ATF6B: variants seen among roughly 807,000 people sequenced by gnomAD.
ATF6B encodes activating transcription factor 6 beta.
In ATF6B, 50 loss-of-function variants were observed where a neutral mutation model predicts 83.5. That is an observed-to-expected ratio of 0.60 (90% CI 0.48 to 0.76). ATF6B has a LOEUF of 0.76. ATF6B is among the 30% of genes least tolerant of loss of function. The probability of loss-of-function intolerance (pLI) is 0.00; values close to 1 mark genes in which losing one functional copy is unlikely to be tolerated. For missense variants in ATF6B, 790 were observed against 893.8 expected (o/e 0.88, Z 1.48); for synonymous variants, 344 against 362.8 (o/e 0.95, Z 0.59).
intron 5 of ATF6B, among the ~76,000 whole-genome samples, chr6:32,124,822 T>G (rs1781902126): frequency 6.6e-6 from 1 of 152,052 alleles, no homozygotes; most frequent in Admixed American, 6.5e-5. Context: ...ATGTCCCCTC[T>G]TATGAGCTTT....
At chr6:32,120,009 T>C in intron 8 of ATF6B, 52 bp from the exon 9 acceptor site, 1 of 1,570,288 alleles carries the variant, frequency 6.4e-7, no homozygotes, top group South Asian at 1.2e-5. Flanking sequence ...GGGGTCCTTG[T>C]GTCCACACCC....
At chr6:32,123,908 A>G (rs1781863630) in intron 5 of ATF6B, among the ~76,000 whole-genome samples, 1 of 152,084 alleles carries the variant, frequency 6.6e-6, no homozygotes, top group Non-Finnish European at 1.5e-5. Context: ...CTTTGAAATC[A>G]ACAATCAACA....
intron 4 of ATF6B, 140 bp downstream of exon 4, chr6:32,126,963 G>A (rs1005929671): frequency 1.2e-5 from 7 of 577,172 alleles, no homozygotes; most frequent in Non-Finnish European, 1.9e-5. Flanking sequence ...GGCAAAGGTA[G>A]TGGAGAAGGC....
Position 32,119,893 on chromosome 6 carries a change from T to C in ATF6B, c.897A>G (p.Leu299=). The C allele has an allele frequency of 6.2e-7, 1 of 1,614,042 alleles. No individual in the cohort carries two copies. Among genetic ancestry groups the C allele is most frequent in the Non-Finnish European group, 8.5e-7 (1 of 1,180,004 alleles). The change falls in exon 9 of 18, where the codon CTA becomes CTG. Residue 299 remains leucine (L), a synonymous_variant. Coordinates refer to ENST00000375203, the MANE Select transcript of ATF6B (RefSeq NM_004381.5). This position sits in a 1 kb window ranked among gnomAD's most constrained non-coding sequence, Gnocchi z 4.9. ...CGATGCTCTTCCTCTCAGGCCGTGG[T>C]AGAGAGGGAGCCGGCCCTTCAGGCT... is the stretch of plus-strand genomic sequence containing the variant. The part of the protein sequence containing the change: ...RVQPEGPAPS[L]PRPERKSIVP...
Position 32,116,710 on chromosome 6 carries a change from G to T in ATF6B, c.1791C>A (p.Phe597Leu). 1 of 1,614,066 alleles carries T rather than the reference G, an allele frequency of 6.2e-7. No individual in the cohort carries two copies. The highest frequency in any genetic ancestry group is 8.5e-7 in the Non-Finnish European group (1 of 1,179,934). Reference protein sequence around the residue: ...RREDTFYVVSFRRDHLLLPAI... With the variant: ...RREDTFYVVSLRRDHLLLPAI... Reference sequence around the variant, plus strand: ...AAGGGCAGGAGAAACTCACCCTTCGGAAAGAGACAACATAAAATGTGTCTT... The same window carrying T: ...AAGGGCAGGAGAAACTCACCCTTCGTAAAGAGACAACATAAAATGTGTCTT... Residue 597 changes from phenylalanine (F) to leucine (L), a missense_variant, in exon 16 of 18, where the codon TTC becomes TTA. By Grantham distance (22) the Phe-to-Leu change is conservative. Coordinates refer to ENST00000375203, the MANE Select transcript of ATF6B (RefSeq NM_004381.5). This position sits in a 1 kb window ranked among gnomAD's most constrained non-coding sequence, Gnocchi z 5.1.
In ATF6B at chr6:32,117,154, G is replaced by A; in HGVS notation, c.1615-47C>T. ...GACTTGGAGAGGGTGAAGGGAAAAG[G>A]GAAAGAGACAAACAGCCCCTGGAAG... On this transcript the variant is annotated intron_variant, in intron 14 of 17. Coordinates refer to ENST00000375203, the MANE Select transcript of ATF6B (RefSeq NM_004381.5). This position sits in a 1 kb window ranked among gnomAD's most constrained non-coding sequence, Gnocchi z 5.0. The A allele has an allele frequency of 6.3e-7, 1 of 1,599,570 alleles. No individual in the cohort carries two copies. Among genetic ancestry groups the A allele is most frequent in the Non-Finnish European group, 8.6e-7 (1 of 1,167,598 alleles).
rs1385358882 is a variant in ATF6B, at chr6:32,121,054, TC to T, written c.634del (p.Asp212MetfsTer38). ...SLSPSGCLLW[D>X]VPAPSLGAVQ... ...AGCTCCAAGTGAGGGGGCTGGGACATCCCACAGGAGGCATCCTGAAGGGGAC... is the reference window on the plus strand; with the variant it reads ...AGCTCCAAGTGAGGGGGCTGGGACATCCACAGGAGGCATCCTGAAGGGGAC... On this transcript the variant is annotated frameshift_variant, in exon 7 of 18. Transcript: ENST00000375203. LOFTEE classifies it high-confidence loss of function. The T allele has an allele frequency of 1.3e-6, 2 of 1,558,054 alleles. No homozygotes were observed. Among genetic ancestry groups the T allele is most frequent in the Non-Finnish European group, 1.7e-6 (2 of 1,155,380 alleles).
intron 5 of ATF6B, 125 bp from the exon 6 acceptor site, chr6:32,121,473 C>A (rs566596980): frequency 2.3e-6 from 2 of 865,928 alleles, no homozygotes; most frequent in East Asian, 2.7e-5. Flanking sequence ...GAGGCCAAGG[C>A]GGGCAGATCA....
intron 5 of ATF6B, among the ~76,000 whole-genome samples, 186 bp from the exon 6 acceptor site, chr6:32,121,534 C>T (rs1182323658): frequency 6.6e-6 from 1 of 152,066 alleles, no homozygotes. Context: ...GAAACCCCGT[C>T]TCTACTAAAA....
intron 8 of ATF6B, 134 bp downstream of exon 8, chr6:32,120,637 G>A: frequency 8.8e-7 from 1 of 1,130,390 alleles, no homozygotes; most frequent in Non-Finnish European, 1.2e-6. Context: ...TTTTAGTAGA[G>A]ACAAGGTTTC....
Position 32,115,773 on chromosome 6 carries a change from G to A in ATF6B, c.2078C>T (p.Ala693Val). The change falls in exon 18 of 18, where the codon GCC (alanine) becomes GTC (valine). Residue 693 changes from alanine to valine, a missense_variant. Transcript: ENST00000375203. ...PVSAASQAHQ[A>V]SHQPLYLNHP ...ATTGAGGTAGAGGGGCTGGTGGGAGGCCTGGTGGGCCTGGCTGGCTGCAGA... is the reference window on the plus strand; with the variant it reads ...ATTGAGGTAGAGGGGCTGGTGGGAGACCTGGTGGGCCTGGCTGGCTGCAGA... The A allele has an allele frequency of 6.2e-7, 1 of 1,610,508 alleles. No homozygotes were observed. Among genetic ancestry groups the A allele is most frequent in the Non-Finnish European group, 8.5e-7 (1 of 1,178,098 alleles).
At chr6:32,124,843 T>G (rs1781903611) in intron 5 of ATF6B, among the ~76,000 whole-genome samples, 1 of 151,222 alleles carries the variant, frequency 6.6e-6, no homozygotes, top group African/African-American at 2.4e-5. Flanking sequence ...CATGGTACCC[T>G]CTAGTGATTT....
At position 32,119,920 on chromosome 6, in the gene ATF6B, G is replaced by C. The variant is rs761688004; in HGVS notation, c.870C>G (p.Val290=). 1.2e-6 allele frequency: 2 copies of C among 1,614,138 alleles called. No individual in the cohort carries two copies. The highest frequency in any genetic ancestry group is 8.5e-7 in the Non-Finnish European group (1 of 1,180,028). Reference sequence around the variant, plus strand: ...GAGAGGGAGCCGGCCCTTCAGGCTGGACTCGAATAGCACCCTGGATGAGGA... The same window carrying C: ...GAGAGGGAGCCGGCCCTTCAGGCTGCACTCGAATAGCACCCTGGATGAGGA... ...PVVLIQGAIR[V]QPEGPAPSLP... The change falls in exon 9 of 18, where the codon GTC becomes GTG. Residue 290 remains valine, a synonymous_variant. Transcript: ENST00000375203. The surrounding 1 kb of genome is among the most constrained non-coding windows in gnomAD (Gnocchi z 4.9).
In ATF6B at chr6:32,128,182, T is replaced by G; in HGVS notation, c.26A>C (p.Glu9Ala). The change falls in exon 1 of 18, where the codon GAG becomes GCG. Residue 9 changes from glutamate to alanine, a missense_variant. By Grantham distance (107) the Glu-to-Ala change is moderately radical. Transcript: ENST00000375203. The stretch of plus-strand genomic sequence containing the variant: ...GAAGAAACGCGTCGGGTCAGCAATC[T>G]CGCTGAGCAGCATCAGCTCCGCCAT... MAELMLLSEIADPTRFFTD... is the reference protein window; with the variant it reads MAELMLLSAIADPTRFFTD... 6.2e-7 allele frequency: 1 copy of G among 1,612,434 alleles called. No homozygotes were observed. Among genetic ancestry groups the G allele is most frequent in the Non-Finnish European group, 8.5e-7 (1 of 1,179,776 alleles).
rs1442446948 is a variant in ATF6B at position 32,118,629 on chromosome 6, G to A, written c.1244+146C>T. ...AAAGACAAATAATGGAGCAGGAAGG[G>A]GCTGGCCAGACACATCATCGGTGCC... On this transcript the variant is annotated intron_variant, in intron 11 of 17. Transcript: ENST00000375203. This position sits in a 1 kb window ranked among gnomAD's most constrained non-coding sequence, Gnocchi z 5.2. 1 of 761,790 alleles carries A rather than the reference G, an allele frequency of 1.3e-6. No individual in the cohort carries two copies. Among genetic ancestry groups the A allele is most frequent in the Non-Finnish European group, 2.2e-6 (1 of 463,928 alleles). 47.2% of individuals were successfully genotyped at this position (761,790 alleles called of 1,614,324 possible).
At chr6:32,124,850 A>ATT (rs758712011) in intron 5 of ATF6B, among the ~76,000 whole-genome samples, 5 of 143,332 alleles carry the variant, frequency 3.5e-5, no homozygotes, top group African/African-American at 1.0e-4. Context: ...CCCTCTAGTG[A>ATT]TTTTTTTTTT....
At chr6:32,123,160 G>A (rs962462640) in intron 5 of ATF6B, among the ~76,000 whole-genome samples, 1 of 145,726 alleles carries the variant, frequency 6.9e-6, no homozygotes, top group Non-Finnish European at 1.5e-5. Context: ...CCCAGGAAAC[G>A]GAGGTTGCAG....
In ATF6B at chr6:32,117,491, G is replaced by C; in HGVS notation, c.1533-87C>G. Reference sequence around the variant, plus strand: ...ACCCACAGGAGTGAGGAGAGGGCAGGGAGCACTGGCGCTTTAGTACACAGG... The same window carrying C: ...ACCCACAGGAGTGAGGAGAGGGCAGCGAGCACTGGCGCTTTAGTACACAGG... On this transcript the variant is annotated intron_variant, in intron 13 of 17. Coordinates refer to ENST00000375203, the MANE Select transcript of ATF6B (RefSeq NM_004381.5). The surrounding 1 kb of genome is among the most constrained non-coding windows in gnomAD (Gnocchi z 5.0). 1 of 1,594,534 alleles carries C rather than the reference G, an allele frequency of 6.3e-7. No homozygotes were observed. Among genetic ancestry groups the C allele is most frequent in the Non-Finnish European group, 8.6e-7 (1 of 1,166,626 alleles).
At chr6:32,120,666 G>A in intron 8 of ATF6B, 105 bp downstream of exon 8, 4 of 1,391,128 alleles carry the variant, frequency 2.9e-6, no homozygotes, top group Non-Finnish European at 3.9e-6. Context: ...GGCCAGGCTG[G>A]TCTTAAACTT....
Sources: allele counts gnomAD v4.1 joint callset (sites outside exome capture counted in the v4.1 genomes callset), GRCh38; gene constraint gnomAD v4.1.1; non-coding constraint Gnocchi (gnomAD v3.1); transcripts MANE v1.5; gene names NCBI Gene and HGNC (gene_info 2026-07-23, HGNC 2026-07-21).